TMEM39B: variants seen among roughly 807,000 people sequenced by gnomAD.
TMEM39B encodes the protein transmembrane protein 39B.
In TMEM39B, 23 loss-of-function variants were observed where a neutral mutation model predicts 52.2. That is an observed-to-expected ratio of 0.44 (90% confidence interval 0.32 to 0.62). The LOEUF is 0.62. Ranked by LOEUF, TMEM39B falls within the 20% of genes least tolerant of loss-of-function variation. The pLI is 0.06. For synonymous variants in TMEM39B, 285 were observed against 264.0 expected (o/e 1.08, Z -0.77); for missense variants, 547 against 642.0 (o/e 0.85, Z 1.60).
chr1:32,100,309 A>G, intron 7 of TMEM39B, 133 bp from the exon 8 acceptor site: 1 of 1,047,088 alleles, frequency 9.6e-7, no homozygotes, highest in East Asian at 2.8e-5. Context: ...ACTGAAACCC[A>G]GAAAAGGAAA....
chr1:32,089,648 GAT>G lies in TMEM39B; in HGVS notation c.591-2026_591-2025del, dbSNP rs1491284772. On this transcript the variant is annotated intron_variant, in intron 5 of 8. Transcript: ENST00000336294. ...GGACCCCCAGAAAAAAGTAAAAGGAGATTTTTTTTTTTTTTTTAAATGGAGTC... is the reference window on the plus strand; with the variant it reads ...GGACCCCCAGAAAAAAGTAAAAGGAGTTTTTTTTTTTTTTTAAATGGAGTC... Among the ~76,000 whole-genome samples the G allele has an allele frequency of 1.5e-3, 227 of 149,018 alleles. 1 individual carries two copies. The highest frequency in any genetic ancestry group is 5.3e-3 in the African/African-American group (214 of 40,478).
chr1:32,083,986 G>GACACACACACAC (rs779224876), intron 5 of TMEM39B, among the ~76,000 whole-genome samples: 5,493 of 151,478 alleles, frequency 0.036, 255 homozygotes, highest in East Asian at 0.13. Context: ...CCCTGTTTCA[G>GACACACACACAC]ACACACAGAC....
In TMEM39B at chr1:32,094,776, A is replaced by G; in HGVS notation, c.928-8A>G. 3 of 1,613,844 alleles carry G rather than the reference A, an allele frequency of 1.9e-6. No homozygotes were observed. Among genetic ancestry groups the G allele is most frequent in the South Asian group, 2.2e-5 (2 of 91,080 alleles). Reference sequence around the variant, plus strand: ...TCCCAGGCCTCACCCACCTTCTGCTACCCCCAGAACACACATTACTATGAC... The same window carrying G: ...TCCCAGGCCTCACCCACCTTCTGCTGCCCCCAGAACACACATTACTATGAC... On this transcript the variant is annotated splice_polypyrimidine_tract_variant and splice_region_variant and intron_variant, in intron 6 of 8. Coordinates refer to ENST00000336294, the MANE Select transcript of TMEM39B (RefSeq NM_018056.4).
At chr1:32,080,767 A>G (rs1388405335) in intron 5 of TMEM39B, among the ~76,000 whole-genome samples, 1 of 152,022 alleles carries the variant, frequency 6.6e-6, no homozygotes, top group African/African-American at 2.4e-5. Context: ...ATAACACCCA[A>G]TGTCATATTA....
rs762343709 is a variant in TMEM39B, at chr1:32,100,571, C to T, written c.1236+9C>T. 1.8e-5 allele frequency: 29 copies of T among 1,614,016 alleles called. No individual in the cohort carries two copies. Among genetic ancestry groups the T allele is most frequent in the Non-Finnish European group, 2.5e-5 (29 of 1,180,006 alleles). On this transcript the variant is annotated intron_variant, in intron 8 of 8. Coordinates refer to ENST00000336294, the MANE Select transcript of TMEM39B (RefSeq NM_018056.4). Reference sequence around the variant, plus strand: ...CCCACTTCCGCTTCCATGTGAGTCTCCTCCCCGGGGAAGGAGGGTTGGGGC... The same window carrying T: ...CCCACTTCCGCTTCCATGTGAGTCTTCTCCCCGGGGAAGGAGGGTTGGGGC...
intron 5 of TMEM39B, among the ~76,000 whole-genome samples, chr1:32,084,655 C>T (rs1369989134): frequency 6.6e-6 from 1 of 151,992 alleles, no homozygotes; most frequent in Non-Finnish European, 1.5e-5. Context: ...CTGCAACCTC[C>T]GCCTCCCGAG....
rs745986444 is a variant in TMEM39B at position 32,100,530 on chromosome 1, A to G, written c.1204A>G (p.Ile402Val). ...AGCCGTAGGCCACTACAACGTGGCT[A>G]TCCCCTCTGACGTCTCCCACTTCCG... ...YKAVGHYNVA[I>V]PSDVSHFRFH... Residue 402 changes from isoleucine to valine, a missense_variant, in exon 8 of 9, where the codon ATC (isoleucine) becomes GTC (valine). By Grantham distance (29) the Ile-to-Val change is conservative (BLOSUM62 3). Coordinates refer to ENST00000336294, the MANE Select transcript of TMEM39B (RefSeq NM_018056.4). The G allele has an allele frequency of 1.2e-5, 20 of 1,614,040 alleles. No individual in the cohort carries two copies. Among genetic ancestry groups the G allele is most frequent in the African/African-American group, 9.3e-5 (7 of 74,926 alleles).
intron 7 of TMEM39B, among the ~76,000 whole-genome samples, chr1:32,099,599 A>G (rs1314202540): frequency 6.6e-6 from 1 of 152,144 alleles, no homozygotes; most frequent in Non-Finnish European, 1.5e-5. Flanking sequence ...TGGAGGGAGC[A>G]GCTTAGGGAG....
intron 5 of TMEM39B, among the ~76,000 whole-genome samples, chr1:32,081,910 T>G (rs1346477468): frequency 2.0e-5 from 3 of 152,144 alleles, no homozygotes; most frequent in Non-Finnish European, 2.9e-5. Flanking sequence ...TGTTTTTGGT[T>G]TCTTGTATAT....
intron 5 of TMEM39B, among the ~76,000 whole-genome samples, chr1:32,089,531 C>T (rs1640516713): frequency 6.6e-6 from 1 of 151,772 alleles, no homozygotes; most frequent in African/African-American, 2.4e-5. Context: ...TAATTGACCA[C>T]AATTATGGTA....
At chr1:32,096,327 A>G (rs1306354404) in intron 7 of TMEM39B, among the ~76,000 whole-genome samples, 1 of 151,708 alleles carries the variant, frequency 6.6e-6, no homozygotes, top group African/African-American at 2.4e-5. Context: ...GGCCCATAAT[A>G]CCATAATCAT....
At chr1:32,084,472 C>G (rs1640250987) in intron 5 of TMEM39B, among the ~76,000 whole-genome samples, 1 of 152,192 alleles carries the variant, frequency 6.6e-6, no homozygotes, top group African/African-American at 2.4e-5. Context: ...ATTACTTTAA[C>G]AATGGGTACG....
intron 1 of TMEM39B, chr1:32,073,329 G>A: frequency 2.1e-6 from 1 of 471,404 alleles, no homozygotes; most frequent in Non-Finnish European, 3.5e-6. Flanking sequence ...AAGGGGGGCG[G>A]GACTTACCAG....
intron 6 of TMEM39B, 152 bp from the exon 7 acceptor site, chr1:32,094,632 C>A: frequency 1.2e-6 from 1 of 858,112 alleles, no homozygotes; most frequent in Non-Finnish European, 1.8e-6. Context: ...AGGGCCTAAG[C>A]CTTGTTTGTT....
intron 7 of TMEM39B, among the ~76,000 whole-genome samples, chr1:32,096,021 C>T (rs1001886239): frequency 2.0e-5 from 3 of 152,150 alleles, no homozygotes; most frequent in Admixed American, 6.5e-5. Flanking sequence ...CGTGGCTTCC[C>T]AGATGATGAG....
At chr1:32,075,469 C>T (rs1326239405) in intron 2 of TMEM39B, 134 bp from the exon 3 acceptor site, 5 of 901,362 alleles carry the variant, frequency 5.5e-6, no homozygotes, top group Non-Finnish European at 8.2e-6. Flanking sequence ...CTTTGTCTGA[C>T]AAGCAGGATT....
chr1:32,077,227 G>T lies in TMEM39B; in HGVS notation c.499G>T (p.Val167Phe). 6.2e-7 allele frequency: 1 copy of T among 1,614,084 alleles called. No individual in the cohort carries two copies. Among genetic ancestry groups the T allele is most frequent in the East Asian group, 2.2e-5 (1 of 44,864 alleles). The change falls in exon 5 of 9, where the codon GTT (valine) becomes TTT (phenylalanine). Residue 167 changes from valine to phenylalanine, a missense_variant. Physicochemically the swap from Val to Phe is conservative, Grantham distance 50. Transcript: ENST00000336294. ...SILLFLTRFT[V>F]LTATGWSLCR... is the part of the protein sequence containing the mutation. ...CCTGCTGTTCCTCACTCGCTTCACC[G>T]TTCTCACGGCAACAGGCTGGAGTCT...
rs1166975044 is a variant in TMEM39B at position 32,075,738 on chromosome 1, C to A, written c.267C>A (p.Leu89=). ...AGTTGCAGCTCTTCTTCTGCCAGCT[C>A]ATAGCACTCTTCGTCCACTACATCA... The part of the protein sequence containing the change: ...LFELQLFFCQ[L]IALFVHYINI... Residue 89 remains leucine, a synonymous_variant, in exon 3 of 9, where the codon CTC becomes CTA. Coordinates refer to ENST00000336294, the MANE Select transcript of TMEM39B (RefSeq NM_018056.4). The A allele has an allele frequency of 2.8e-5, 44 of 1,551,650 alleles. No homozygotes were observed. In the East Asian group the frequency reaches 1.1e-3, roughly 38 times the overall value.
At chr1:32,086,188 T>C (rs1360893699) in intron 5 of TMEM39B, among the ~76,000 whole-genome samples, 1 of 152,192 alleles carries the variant, frequency 6.6e-6, no homozygotes, top group African/African-American at 2.4e-5. Context: ...CTGACTCTTA[T>C]AAATAAACAT....
Sources: allele counts gnomAD v4.1 joint callset (sites outside exome capture counted in the v4.1 genomes callset), GRCh38; gene constraint gnomAD v4.1.1; transcripts MANE v1.5; gene names NCBI Gene and HGNC (gene_info 2026-07-23, HGNC 2026-07-21).